Variants in DOCK9 observed in about 807,000 individuals in gnomAD.
The protein encoded by DOCK9 is dedicator of cytokinesis 9.
DOCK9 carries 89 observed loss-of-function variants against 263.3 expected under a neutral mutation model. The ratio of observed to expected loss-of-function variants is 0.34; its 90% CI spans 0.28 to 0.40. DOCK9 has a LOEUF of 0.40. Among genes scored for constraint, DOCK9 ranks in the 10% least tolerant of loss-of-function variants. The probability of loss-of-function intolerance (pLI) is 1.00; values close to 1 mark genes in which losing one functional copy is unlikely to be tolerated. For missense variants in DOCK9, 2,140 were observed against 2,603.4 expected, an observed-to-expected ratio of 0.82 and a Z score of 3.87; for synonymous variants, 976 against 973.1, an observed-to-expected ratio of 1.00 and a Z score of -0.06.
upstream of DOCK9, among the ~76,000 whole-genome samples, chr13:98,982,362 G>C (rs965400847): frequency 3.3e-5 from 5 of 152,158 alleles, no homozygotes; most frequent in Non-Finnish European, 4.4e-5. Context: ...TCTCTGTAGA[G>C]GGAACTGCTA....
chr13:98,822,446 C>T (rs2092327490), intron 45 of DOCK9, among the ~76,000 whole-genome samples: 1 of 152,162 alleles, frequency 6.6e-6, no homozygotes, highest in African/African-American at 2.4e-5. Context: ...TTTAATTGTT[C>T]CTGGCATCGT....
In DOCK9 at chr13:98,955,261, T is replaced by C. The variant is rs1202521048; in HGVS notation, c.243+174A>G. The stretch of plus-strand genomic sequence containing the variant: ...TGAACCCAGGAGGCGGAGGTTGCCG[T>C]TGAGCCAAGATGGCACCACTGCACT... On this transcript the variant is annotated intron_variant, in intron 2 of 52. Coordinates refer to ENST00000682017, the MANE Select transcript of DOCK9 (RefSeq NM_001366683.2). 7.9e-5 allele frequency among the ~76,000 whole-genome samples: 12 copies of C among 152,186 alleles called. No homozygotes were observed. In the East Asian group the frequency reaches 2.3e-3, roughly 29 times the overall value.
chr13:98,874,885 C>T (rs2142351294), intron 27 of DOCK9, among the ~76,000 whole-genome samples: 1 of 152,026 alleles, frequency 6.6e-6, no homozygotes, highest in Middle Eastern at 3.4e-3. Flanking sequence ...TCACAGCTCC[C>T]CATAATCTCA....
intron 1 of DOCK9, among the ~76,000 whole-genome samples, chr13:99,023,272 T>A (rs2142017124): frequency 6.6e-6 from 1 of 152,340 alleles, no homozygotes; most frequent in South Asian, 2.1e-4. Context: ...AAATGTGGTA[T>A]CTACACACAC....
chr13:98,891,509 G>A lies in DOCK9; in HGVS notation c.1710-2798C>T, dbSNP rs190780270. 6.6e-5 allele frequency among the ~76,000 whole-genome samples: 10 copies of A among 152,186 alleles called. No homozygotes were observed. The East Asian group carries it at 1.2e-3, about 18-fold the overall frequency. ...ATTATTTCCACCTATGAATGAACAGGCATCTTCATCACCATTTTTAAGATC... is the reference window on the plus strand; with the variant it reads ...ATTATTTCCACCTATGAATGAACAGACATCTTCATCACCATTTTTAAGATC... On this transcript the variant is annotated intron_variant, in intron 15 of 52. Coordinates refer to ENST00000682017, the MANE Select transcript of DOCK9 (RefSeq NM_001366683.2).
intron 1 of DOCK9, among the ~76,000 whole-genome samples, chr13:99,077,628 G>C (rs1299992218): frequency 6.6e-6 from 1 of 152,184 alleles, no homozygotes; most frequent in African/African-American, 2.4e-5. Flanking sequence ...GGAAAGAAAG[G>C]AGACAGGAAA....
intron 1 of DOCK9, among the ~76,000 whole-genome samples, chr13:99,001,659 G>C (rs957807074): frequency 3.3e-5 from 5 of 152,204 alleles, no homozygotes; most frequent in South Asian, 4.1e-4. Flanking sequence ...TGAGAGAGGA[G>C]GACTTGGGGC....
At chr13:99,062,124 G>A (rs2041220960) in intron 1 of DOCK9, among the ~76,000 whole-genome samples, 1 of 151,990 alleles carries the variant, frequency 6.6e-6, no homozygotes, top group Non-Finnish European at 1.5e-5. Flanking sequence ...CTCCCACCTT[G>A]GTCTCTGAAA....
intron 9 of DOCK9, among the ~76,000 whole-genome samples, chr13:98,911,726 G>A (rs1256439050): frequency 2.6e-5 from 4 of 151,498 alleles, no homozygotes; most frequent in African/African-American, 9.7e-5. Context: ...ATAAAACCCT[G>A]TCTCTACTAG....
intron 9 of DOCK9, among the ~76,000 whole-genome samples, chr13:98,912,630 A>T (rs1164241585): frequency 2.0e-5 from 3 of 152,044 alleles, no homozygotes; most frequent in East Asian, 1.9e-4. Flanking sequence ...TGTATATCTT[A>T]AAAAATCTCC....
At chr13:98,814,210 T>C (rs1446807361) in intron 45 of DOCK9, among the ~76,000 whole-genome samples, 6 of 152,230 alleles carry the variant, frequency 3.9e-5, no homozygotes, top group African/African-American at 1.4e-4. Context: ...AAAGTGTCAT[T>C]TGTGTGACTG....
intron 1 of DOCK9, among the ~76,000 whole-genome samples, chr13:99,024,150 T>G (rs1886443993): frequency 6.6e-6 from 1 of 152,194 alleles, no homozygotes; most frequent in Non-Finnish European, 1.5e-5. Flanking sequence ...CATAAAAAGC[T>G]GCCAAACAGC....
chr13:98,919,226 C>G (rs1243804919), intron 7 of DOCK9, among the ~76,000 whole-genome samples: 2 of 151,986 alleles, frequency 1.3e-5, no homozygotes, highest in Non-Finnish European at 2.9e-5. Flanking sequence ...TCTCCTGCCT[C>G]AGCTTCCCAA....
chr13:98,906,791 T>C (rs1426126507), intron 9 of DOCK9, among the ~76,000 whole-genome samples: 1 of 152,168 alleles, frequency 6.6e-6, no homozygotes, highest in Non-Finnish European at 1.5e-5. Context: ...TTATATAAAA[T>C]GGGCACCAGA....
intron 38 of DOCK9, among the ~76,000 whole-genome samples, chr13:98,840,567 T>C (rs2093173791): frequency 6.6e-6 from 1 of 152,236 alleles, no homozygotes; most frequent in Non-Finnish European, 1.5e-5. Context: ...CCTAACCCTG[T>C]TCTACAAACT....
At chr13:99,042,954 T>C (rs1344115087) in intron 1 of DOCK9, among the ~76,000 whole-genome samples, 1 of 151,958 alleles carries the variant, frequency 6.6e-6, no homozygotes, top group Non-Finnish European at 1.5e-5. Context: ...ACTGACAAGA[T>C]AGGGCCTTAC....
At chr13:98,868,649 G>T (rs2094109716) in intron 27 of DOCK9, among the ~76,000 whole-genome samples, 1 of 152,166 alleles carries the variant, frequency 6.6e-6, no homozygotes, top group South Asian at 2.1e-4. Flanking sequence ...CAGTTACTCA[G>T]GAGGCTGAGG....
At chr13:98,974,539 C>G (rs1443809002) in intron 1 of DOCK9, among the ~76,000 whole-genome samples, 1 of 152,060 alleles carries the variant, frequency 6.6e-6, no homozygotes, top group African/African-American at 2.4e-5. Flanking sequence ...CACCTGGGGT[C>G]AGGAGTTCGA....
intron 39 of DOCK9, among the ~76,000 whole-genome samples, chr13:98,837,257 C>T (rs2093038674): frequency 6.6e-6 from 1 of 152,154 alleles, no homozygotes. Flanking sequence ...ACCGTGTTTC[C>T]ACCATACCCA....
Sources: gnomAD v4.1 joint callset for allele counts (sites outside exome capture counted in the v4.1 genomes callset) on GRCh38, gnomAD v4.1.1 for gene constraint, MANE v1.5 for transcripts, NCBI Gene and HGNC (gene_info 2026-07-23, HGNC 2026-07-21) for gene names.